KLHL1: variants seen among roughly 807,000 people sequenced by gnomAD.
The protein encoded by KLHL1 is kelch-like protein 1.
Under a neutral mutation model 77.7 loss-of-function variants are expected in KLHL1, and 47 were observed. That is an observed-to-expected ratio of 0.60 (90% CI 0.48 to 0.77). The LOEUF (loss-of-function observed/expected upper bound fraction) is 0.77. Among genes scored for constraint, KLHL1 ranks in the 30% least tolerant of loss-of-function variants. The probability of loss-of-function intolerance (pLI) is 0.00; values close to 1 mark genes in which losing one functional copy is unlikely to be tolerated. For synonymous variants in KLHL1, 360 were observed against 325.2 expected, an observed-to-expected ratio of 1.11 and a Z score of -1.15; for missense variants, 925 against 910.8, an observed-to-expected ratio of 1.02 and a Z score of -0.20.
At chr13:69,791,273 G>C (rs1478026969) in intron 7 of KLHL1, among the ~76,000 whole-genome samples, 5 of 151,834 alleles carry the variant, frequency 3.3e-5, no homozygotes, top group East Asian at 3.9e-4. Context: ...TAGCAAAATA[G>C]GTACAAGACT....
chr13:69,711,841 T>C (rs1018785249), intron 9 of KLHL1, among the ~76,000 whole-genome samples: 11 of 152,152 alleles, frequency 7.2e-5, no homozygotes. Flanking sequence ...GTAATGAGCA[T>C]GTCAGTTGTT....
rs567471535 is a variant in KLHL1 at position 70,030,132 on chromosome 13, C to T, written c.498-54330G>A. Among the ~76,000 whole-genome samples, 6 of 152,254 alleles carry T rather than the reference C, an allele frequency of 3.9e-5. No homozygotes were observed. In the South Asian group the frequency reaches 1.2e-3, roughly 32 times the overall value. ...ACCTACGAAGAGACTTAGACTCCCA[C>T]ACAATAATAATGGGAGACTTTAACA... On this transcript the variant is annotated intron_variant, in intron 1 of 10. Coordinates refer to ENST00000377844, the MANE Select transcript of KLHL1 (RefSeq NM_020866.3).
intron 1 of KLHL1, among the ~76,000 whole-genome samples, chr13:70,073,367 T>A (rs915930849): frequency 6.6e-6 from 1 of 151,802 alleles, no homozygotes; most frequent in South Asian, 2.1e-4. Flanking sequence ...AGGAGAACAC[T>A]TGGACACAGG....
intron 1 of KLHL1, among the ~76,000 whole-genome samples, chr13:70,104,652 A>T (rs1406476270): frequency 6.6e-6 from 1 of 152,162 alleles, no homozygotes; most frequent in African/African-American, 2.4e-5. Context: ...TGTAAAATAC[A>T]ATGCTCATTA....
At chr13:70,089,150 C>T (rs1887616882) in intron 1 of KLHL1, among the ~76,000 whole-genome samples, 1 of 152,150 alleles carries the variant, frequency 6.6e-6, no homozygotes, top group Non-Finnish European at 1.5e-5. Context: ...GTTGCTATTA[C>T]TTCCCAGTTT....
chr13:69,982,850 T>C (rs7327292), intron 1 of KLHL1, among the ~76,000 whole-genome samples: 23,131 of 151,974 alleles, frequency 0.15, 3,746 homozygotes, highest in African/African-American at 0.41. Flanking sequence ...AGTTTTCATA[T>C]GGGAAATCCT....
At chr13:69,824,221 C>T (rs1208508074) in intron 6 of KLHL1, among the ~76,000 whole-genome samples, 11 of 151,768 alleles carry the variant, frequency 7.2e-5, no homozygotes, top group East Asian at 3.9e-4. Flanking sequence ...TAAAATTTCC[C>T]GAAAGTCCAG....
chr13:69,727,181 T>G (rs75108220), intron 8 of KLHL1, among the ~76,000 whole-genome samples: 2,002 of 152,272 alleles, frequency 0.013, 41 homozygotes, highest in African/African-American at 0.046. Flanking sequence ...AATAATCTTA[T>G]TTTGGTTTTA....
At chr13:69,811,627 G>C (rs1299879781) in intron 6 of KLHL1, among the ~76,000 whole-genome samples, 2 of 151,736 alleles carry the variant, frequency 1.3e-5, no homozygotes, top group African/African-American at 4.8e-5. Flanking sequence ...GTCCTGGCTA[G>C]AGCAGTTAGG....
chr13:69,884,156 C>G (rs1881107911), intron 4 of KLHL1, among the ~76,000 whole-genome samples: 1 of 152,130 alleles, frequency 6.6e-6, no homozygotes, highest in Admixed American at 6.5e-5. Flanking sequence ...ACTGAAGTAA[C>G]TTCAGCTTTC....
At chr13:70,018,085 G>A (rs1291604960) in intron 1 of KLHL1, among the ~76,000 whole-genome samples, 1 of 152,016 alleles carries the variant, frequency 6.6e-6, no homozygotes, top group East Asian at 1.9e-4. Context: ...TTAAATCTAT[G>A]AAAATACTGT....
intron 5 of KLHL1, among the ~76,000 whole-genome samples, chr13:69,844,871 G>T (rs1879394943): frequency 6.6e-6 from 1 of 151,440 alleles, no homozygotes; most frequent in African/African-American, 2.4e-5. Flanking sequence ...TGTTTTCTTA[G>T]CACACATCTT....
intron 3 of KLHL1, among the ~76,000 whole-genome samples, chr13:69,947,555 C>T (rs1477526895): frequency 2.7e-5 from 4 of 150,198 alleles, no homozygotes; most frequent in South Asian, 2.1e-4. Flanking sequence ...CAATTATTTC[C>T]CCAAAAAAGA....
At chr13:70,107,181 GC>G (rs1249495183) in intron 1 of KLHL1, 21 bp downstream of exon 1, 1 of 1,557,382 alleles carries the variant, frequency 6.4e-7, no homozygotes, top group African/African-American at 1.4e-5. Context: ...ATGCTTGGAA[GC>G]CCCGTGGGGA....
intron 8 of KLHL1, among the ~76,000 whole-genome samples, chr13:69,739,436 C>T (rs1418231939): frequency 6.6e-6 from 1 of 152,054 alleles, no homozygotes; most frequent in South Asian, 2.1e-4. Flanking sequence ...CTAAATGCCC[C>T]AATTAAAAGA....
chr13:69,990,274 A>G (rs1228449567), intron 1 of KLHL1, among the ~76,000 whole-genome samples: 1 of 152,058 alleles, frequency 6.6e-6, no homozygotes, highest in Non-Finnish European at 1.5e-5. Context: ...AGTCTGCATA[A>G]TAACCAGCTA....
intron 7 of KLHL1, among the ~76,000 whole-genome samples, chr13:69,767,640 C>G (rs550946524): frequency 6.6e-6 from 1 of 152,274 alleles, no homozygotes; most frequent in South Asian, 2.1e-4. Context: ...AGATTGATCA[C>G]CCATATGATG....
chr13:70,016,673 C>A (rs1885666367), intron 1 of KLHL1, among the ~76,000 whole-genome samples: 1 of 152,136 alleles, frequency 6.6e-6, no homozygotes, highest in African/African-American at 2.4e-5. Context: ...TGCCCCTCCG[C>A]ACAAACAGCT....
intron 4 of KLHL1, among the ~76,000 whole-genome samples, chr13:69,939,606 T>C (rs1007715186): frequency 6.6e-6 from 1 of 151,890 alleles, no homozygotes; most frequent in African/African-American, 2.4e-5. Flanking sequence ...ACTTTATTAA[T>C]ATCTATCAAT....
Sources: gnomAD v4.1 joint callset for allele counts (sites outside exome capture counted in the v4.1 genomes callset) on GRCh38, gnomAD v4.1.1 for gene constraint, MANE v1.5 for transcripts, NCBI Gene and HGNC (gene_info 2026-07-23, HGNC 2026-07-21) for gene names.